Variants in PKHD1 observed in about 807,000 individuals in gnomAD.
The protein encoded by PKHD1 is fibrocystin.
PKHD1 carries 291 observed loss-of-function variants against 412.0 expected under a neutral mutation model. That is an observed-to-expected ratio of 0.71 (90% CI 0.64 to 0.78). The LOEUF (loss-of-function observed/expected upper bound fraction) is 0.78, where lower values mean the gene tolerates loss of function less well. Among genes scored for constraint, PKHD1 ranks in the 30% least tolerant of loss-of-function variants. PKHD1 has a pLI of 0.00. For synonymous variants in PKHD1, 1,777 were observed against 1,821.5 expected, an observed-to-expected ratio of 0.98 and a Z score of 0.62; for missense variants, 4,825 against 4,950.7, an observed-to-expected ratio of 0.97 and a Z score of 0.76.
At chr6:51,771,199 T>TAC (rs113140015) in intron 55 of PKHD1, among the ~76,000 whole-genome samples, 4,620 of 150,260 alleles carry the variant, frequency 0.031, 113 homozygotes, top group African/African-American at 0.073. Flanking sequence ...ACAGGTAGGA[T>TAC]ACACACACAC....
chr6:52,017,802 A>G (rs1800780531), intron 33 of PKHD1, among the ~76,000 whole-genome samples, 173 bp from the exon 34 acceptor site: 1 of 152,258 alleles, frequency 6.6e-6, no homozygotes, highest in Admixed American at 6.5e-5. Context: ...AAATACAAGT[A>G]TCATTTTTGT....
At chr6:51,622,342 C>T (rs1198563348) in intron 66 of PKHD1, 1 of 152,128 alleles carries the variant, frequency 6.6e-6, no homozygotes. Flanking sequence ...CTACCCTGTT[C>T]ATATTTTTTG....
chr6:51,642,881 T>A (rs1443559090), intron 63 of PKHD1, among the ~76,000 whole-genome samples: 3 of 152,002 alleles, frequency 2.0e-5, no homozygotes, highest in East Asian at 3.9e-4. Context: ...GTATGGAGTA[T>A]AAGTAGGGTC....
At chr6:51,772,304 A>G (rs1049050241) in intron 55 of PKHD1, among the ~76,000 whole-genome samples, 3 of 143,642 alleles carry the variant, frequency 2.1e-5, no homozygotes, top group South Asian at 2.1e-4. Flanking sequence ...ATTTCACAAT[A>G]TACTTCATAT....
chr6:51,757,190 T>G (rs1005816992), intron 55 of PKHD1, among the ~76,000 whole-genome samples: 1 of 152,126 alleles, frequency 6.6e-6, no homozygotes, highest in Non-Finnish European at 1.5e-5. Context: ...TTATTATTAT[T>G]TATATTGTTG....
intron 36 of PKHD1, among the ~76,000 whole-genome samples, chr6:51,951,563 T>C (rs921835832): frequency 5.3e-5 from 8 of 152,190 alleles, no homozygotes; most frequent in Non-Finnish European, 1.0e-4. Flanking sequence ...TGATTTGGTA[T>C]AGCATAATAG....
chr6:52,018,039 T>C lies in PKHD1; in HGVS notation c.5381-410A>G, dbSNP rs149714893. Among the ~76,000 whole-genome samples the C allele has an allele frequency of 1.4e-3, 208 of 152,360 alleles. 1 individual carries two copies. Among genetic ancestry groups the C allele is most frequent in the Non-Finnish European group, 2.4e-3 (161 of 68,032 alleles). On this transcript the variant is annotated intron_variant, in intron 33 of 66. Transcript: ENST00000371117. ...CCTTGTTTTTGAACTTTATAAAATATGATACATGATAAAATATTCTTGGGT... is the reference window on the plus strand; with the variant it reads ...CCTTGTTTTTGAACTTTATAAAATACGATACATGATAAAATATTCTTGGGT...
rs1464282634 is a variant in PKHD1, at chr6:51,839,414, A to T, written c.8108-2945T>A. Among the ~76,000 whole-genome samples the T allele has an allele frequency of 2.0e-5, 3 of 152,206 alleles. No homozygotes were observed. In the South Asian group the frequency reaches 6.2e-4, roughly 32 times the overall value. On this transcript the variant is annotated intron_variant, in intron 50 of 66. Transcript: ENST00000371117. ...CTGATGCTCAAAAAGACAAAAAAAA[A>T]GTCTTTGGGCCAATTATTGCCAACT...
intron 52 of PKHD1, among the ~76,000 whole-genome samples, chr6:51,811,078 A>ATT (rs1410343517): frequency 2.6e-5 from 4 of 152,144 alleles, no homozygotes; most frequent in African/African-American, 9.7e-5. Context: ...CCTTTATCTA[A>ATT]TTATATAATC....
chr6:51,674,023 T>C (rs1031638342), intron 60 of PKHD1, among the ~76,000 whole-genome samples: 1 of 152,228 alleles, frequency 6.6e-6, no homozygotes, highest in East Asian at 1.9e-4. Context: ...TAGAGAGTGG[T>C]AGACATGTAG....
At chr6:51,663,045 G>C (rs1773121844) in intron 60 of PKHD1, among the ~76,000 whole-genome samples, 1 of 151,906 alleles carries the variant, frequency 6.6e-6, no homozygotes, top group Non-Finnish European at 1.5e-5. Context: ...CAGAAGCATG[G>C]ATCCAGTATG....
chr6:51,939,613 T>C (rs1019893823), intron 36 of PKHD1, among the ~76,000 whole-genome samples: 6 of 151,642 alleles, frequency 4.0e-5, no homozygotes, highest in Admixed American at 6.6e-5. Context: ...ATAATTCTTA[T>C]CGTAAAATAG....
intron 36 of PKHD1, among the ~76,000 whole-genome samples, chr6:51,947,264 CTTTG>C (rs1207973437): frequency 2.0e-5 from 3 of 152,170 alleles, no homozygotes; most frequent in African/African-American, 7.2e-5. Flanking sequence ...TGCCCAGCCT[CTTTG>C]TTTTTCTTTC....
At chr6:51,640,489 A>C (rs1360293432) in intron 63 of PKHD1, among the ~76,000 whole-genome samples, 1 of 152,190 alleles carries the variant, frequency 6.6e-6, no homozygotes, top group Non-Finnish European at 1.5e-5. Context: ...TCATATCTTC[A>C]GAATAGCTAT....
chr6:52,039,264 T>C (rs1434168774), intron 27 of PKHD1, among the ~76,000 whole-genome samples: 1 of 152,226 alleles, frequency 6.6e-6, no homozygotes, highest in East Asian at 1.9e-4. Context: ...ATGGTTTGGC[T>C]CTGCGTCCTC....
intron 37 of PKHD1, among the ~76,000 whole-genome samples, chr6:51,930,903 G>T (rs1786466944): frequency 6.6e-6 from 1 of 152,180 alleles, no homozygotes; most frequent in Non-Finnish European, 1.5e-5. Context: ...GAAGATGCCT[G>T]GGAATGTTGT....
intron 50 of PKHD1, among the ~76,000 whole-genome samples, chr6:51,841,369 C>CCGTTT (rs10648630): frequency 2.2e-4 from 34 of 151,138 alleles, no homozygotes; most frequent in Admixed American, 9.2e-4. Context: ...AAGTTTCCTT[C>CCGTTT]CCTTTCCTTT....
intron 35 of PKHD1, among the ~76,000 whole-genome samples, chr6:51,983,795 G>A (rs1348688835): frequency 6.6e-6 from 1 of 152,222 alleles, no homozygotes; most frequent in African/African-American, 2.4e-5. Context: ...ACAGCTTCCA[G>A]CACTGCACCA....
At chr6:51,763,450 A>G (rs1788387424) in intron 55 of PKHD1, among the ~76,000 whole-genome samples, 1 of 152,152 alleles carries the variant, frequency 6.6e-6, no homozygotes, top group Non-Finnish European at 1.5e-5. Flanking sequence ...TTCTTATAAG[A>G]AAAATCCATT....
Sources: allele counts gnomAD v4.1 joint callset (sites outside exome capture counted in the v4.1 genomes callset), GRCh38; gene constraint gnomAD v4.1.1; transcripts MANE v1.5; gene names NCBI Gene and HGNC (gene_info 2026-07-23, HGNC 2026-07-21).